Variants in CNTLN observed in about 807,000 individuals in gnomAD.
CNTLN encodes centlein, centrosomal protein.
Under a neutral mutation model 180.0 loss-of-function variants are expected in CNTLN, and 212 were observed. The ratio of observed to expected loss-of-function variants is 1.18; its 90% CI spans 1.05 to 1.32. The LOEUF is 1.32. Ranked by LOEUF, CNTLN falls within the 40% of genes most tolerant of loss-of-function variation. The pLI, the probability that CNTLN is intolerant of heterozygous loss-of-function variation, is 0.00. For synonymous variants in CNTLN, 722 were observed against 563.1 expected, an observed-to-expected ratio of 1.28 and a Z score of -3.99; for missense variants, 2,095 against 1,610.9, an observed-to-expected ratio of 1.30 and a Z score of -5.14.
chr9:17,345,734 A>C (rs1274637795), intron 12 of CNTLN, among the ~76,000 whole-genome samples: 1 of 152,062 alleles, frequency 6.6e-6, no homozygotes, highest in African/African-American at 2.4e-5. Context: ...ACAAGATGTG[A>C]TAGGTTTTGC....
intron 2 of CNTLN, chr9:17,167,394 T>TG: frequency 7.0e-6 from 1 of 143,510 alleles, no homozygotes; most frequent in Non-Finnish European, 1.6e-5. Context: ...AAAAGCTGTC[T>TG]ATACTGATTT....
intron 18 of CNTLN, among the ~76,000 whole-genome samples, chr9:17,418,908 G>A (rs1166645556): frequency 6.6e-6 from 1 of 151,982 alleles, no homozygotes; most frequent in Non-Finnish European, 1.5e-5. Flanking sequence ...TTGATAAGAG[G>A]AACACAAAGT....
intron 2 of CNTLN, among the ~76,000 whole-genome samples, chr9:17,178,024 G>A (rs1820841269): frequency 6.6e-6 from 1 of 151,686 alleles, no homozygotes; most frequent in African/African-American, 2.4e-5. Flanking sequence ...GATATAGAGT[G>A]TTGATTGGTG....
At chr9:17,230,217 G>T (rs1310273524) in intron 3 of CNTLN, among the ~76,000 whole-genome samples, 1 of 152,158 alleles carries the variant, frequency 6.6e-6, no homozygotes, top group African/African-American at 2.4e-5. Flanking sequence ...GCTGTGATTG[G>T]CTGAGACTCG....
the CNTLN span, among the ~76,000 whole-genome samples, chr9:17,521,621 T>C: frequency 6.6e-6 from 1 of 152,156 alleles, no homozygotes; most frequent in African/African-American, 2.4e-5. Flanking sequence ...ATATTTAGGA[T>C]CGCCCTTTTC....
intron 9 of CNTLN, among the ~76,000 whole-genome samples, chr9:17,331,482 A>G (rs1019648071): frequency 2.6e-5 from 4 of 151,994 alleles, no homozygotes; most frequent in African/African-American, 4.8e-5. Flanking sequence ...ATAAATTGAA[A>G]TAACATTTTC....
chr9:17,499,121 A>G (rs891857791), intron 25 of CNTLN, among the ~76,000 whole-genome samples: 5 of 152,208 alleles, frequency 3.3e-5, no homozygotes, highest in Admixed American at 2.6e-4. Flanking sequence ...TAAGCAGACC[A>G]TGTGAATTTT....
chr9:17,312,366 A>T (rs1446257270), intron 8 of CNTLN, among the ~76,000 whole-genome samples: 346 of 9,060 alleles, frequency 0.038, 8 homozygotes, highest in South Asian at 0.17. Context: ...TATATATATT[A>T]TATATATATA....
chr9:17,267,166 G>C lies in CNTLN; in HGVS notation c.850-6567G>C, dbSNP rs190881477. On this transcript the variant is annotated intron_variant, in intron 5 of 25. Coordinates refer to ENST00000380647, the MANE Select transcript of CNTLN (RefSeq NM_017738.4). ...CTTTACATTTTGGCATGTTTTTGCA[G>C]TGGCTGGTACCGGTTGTTCCTTTCC... Among the ~76,000 whole-genome samples, 770 of 152,184 alleles carry C rather than the reference G, an allele frequency of 5.1e-3. 5 individuals carry two copies. The highest frequency in any genetic ancestry group is 7.9e-3 in the Admixed American group (121 of 15,280).
intron 18 of CNTLN, among the ~76,000 whole-genome samples, chr9:17,441,838 T>C (rs1830128361): frequency 1.3e-5 from 2 of 151,886 alleles, no homozygotes; most frequent in Non-Finnish European, 2.9e-5. Context: ...AGGCTTATAG[T>C]GAAGGGATGG....
intron 2 of CNTLN, among the ~76,000 whole-genome samples, chr9:17,198,971 A>G (rs1017139640): frequency 1.3e-5 from 2 of 152,108 alleles, no homozygotes; most frequent in South Asian, 2.1e-4. Flanking sequence ...GCTATTGTAA[A>G]TAATGCTACA....
At position 17,480,695 on chromosome 9, in the gene CNTLN, T is replaced by C. The variant is rs535940623; in HGVS notation, c.3856-3600T>C. 1.3e-4 allele frequency among the ~76,000 whole-genome samples: 20 copies of C among 152,320 alleles called. No individual in the cohort carries two copies. The South Asian group carries it at 3.9e-3, about 30-fold the overall frequency. On this transcript the variant is annotated intron_variant, in intron 23 of 25. Coordinates refer to ENST00000380647, the MANE Select transcript of CNTLN (RefSeq NM_017738.4). ...CGAATATGGTGTAATATAACTGTGA[T>C]TTAACAAAATAAGTGGCCAAAATTT...
At chr9:17,325,124 T>C (rs4405013) in intron 8 of CNTLN, among the ~76,000 whole-genome samples, 34,038 of 149,858 alleles carry the variant, frequency 0.23, 4,135 homozygotes, top group South Asian at 0.37. Context: ...ATTTGTGAAT[T>C]TTTATTATAA....
chr9:17,457,127 G>A (rs563208994), intron 18 of CNTLN, among the ~76,000 whole-genome samples: 1 of 152,202 alleles, frequency 6.6e-6, no homozygotes, highest in South Asian at 2.1e-4. Flanking sequence ...CTACCCAGTG[G>A]AATAAACAGC....
chr9:17,435,790 C>G (rs190581264), intron 18 of CNTLN, among the ~76,000 whole-genome samples: 2 of 151,934 alleles, frequency 1.3e-5, no homozygotes, highest in Non-Finnish European at 2.9e-5. Context: ...CTGAAACACC[C>G]GACCTCAGGT....
At chr9:17,413,466 A>G (rs937263311) in intron 16 of CNTLN, among the ~76,000 whole-genome samples, 2 of 152,102 alleles carry the variant, frequency 1.3e-5, no homozygotes, top group African/African-American at 4.8e-5. Flanking sequence ...TATATAGAAG[A>G]GGAAAAGACA....
Position 17,272,258 on chromosome 9 carries a change from G to T in CNTLN, c.850-1475G>T, listed in dbSNP as rs557558262. Among the ~76,000 whole-genome samples, 44 of 152,068 alleles carry T rather than the reference G, an allele frequency of 2.9e-4. No individual in the cohort carries two copies. The South Asian group carries it at 7.5e-3, about 26-fold the overall frequency. ...TGCCCAACTAATTTTTGCATTTTTA[G>T]TAGAGGCGGGGTTTCACCACGTTGG... On this transcript the variant is annotated intron_variant, in intron 5 of 25. Transcript: ENST00000380647.
At chr9:17,481,103 A>C (rs966873091) in intron 23 of CNTLN, among the ~76,000 whole-genome samples, 3 of 152,106 alleles carry the variant, frequency 2.0e-5, no homozygotes, top group Non-Finnish European at 4.4e-5. Context: ...GCCGCACCAC[A>C]GTCCCTACCC....
intron 13 of CNTLN, among the ~76,000 whole-genome samples, chr9:17,387,947 G>GAA (rs34567309): frequency 2.1e-3 from 301 of 141,866 alleles, no homozygotes; most frequent in African/African-American, 7.4e-3. Flanking sequence ...ATCTTATACT[G>GAA]AAAAAAAAAA....
Sources: allele counts gnomAD v4.1 joint callset (sites outside exome capture counted in the v4.1 genomes callset), GRCh38; gene constraint gnomAD v4.1.1; transcripts MANE v1.5; gene names NCBI Gene and HGNC (gene_info 2026-07-23, HGNC 2026-07-21).